Variants in PLEKHH2 observed in about 807,000 individuals in gnomAD.
The protein encoded by PLEKHH2 is pleckstrin homology, MyTH4 and FERM domain containing H2, also known as pleckstrin homology domain-containing family H member 2.
In PLEKHH2, 129 loss-of-function variants were observed where a neutral mutation model predicts 187.9. The ratio of observed to expected loss-of-function variants is 0.69; its 90% confidence interval spans 0.59 to 0.79. The LOEUF is 0.79. PLEKHH2 is among the 30% of genes least tolerant of loss of function. The pLI is 0.00. For missense variants in PLEKHH2, 2,076 were observed against 1,751.2 expected (o/e 1.19, Z -3.31); for synonymous variants, 686 against 605.6 (o/e 1.13, Z -1.95).
Position 43,700,022 on chromosome 2 carries a change from A to C in PLEKHH2, c.1064A>C (p.Gln355Pro). 6.2e-7 allele frequency: 1 copy of C among 1,614,204 alleles called. No individual in the cohort carries two copies. The highest frequency in any genetic ancestry group is 8.5e-7 in the Non-Finnish European group (1 of 1,180,030). The change falls in exon 8 of 30, where the codon CAG becomes CCG. Residue 355 changes from glutamine to proline, a missense_variant. Coordinates refer to ENST00000282406, the MANE Select transcript of PLEKHH2 (RefSeq NM_172069.4). ...RPEHKKLYSW[Q>P]QEAQWKALNS... ...GAACACAAGAAGCTATATTCTTGGCAGCAGGAGGCACAGTGGAAAGCTCTA... is the reference window on the plus strand; with the variant it reads ...GAACACAAGAAGCTATATTCTTGGCCGCAGGAGGCACAGTGGAAAGCTCTA...
chr2:43,667,813 G>C (rs988005834), intron 2 of PLEKHH2, among the ~76,000 whole-genome samples: 1 of 152,096 alleles, frequency 6.6e-6, no homozygotes, highest in African/African-American at 2.4e-5. Flanking sequence ...ACTGCTAATA[G>C]GTACAGGCTT....
intron 27 of PLEKHH2, among the ~76,000 whole-genome samples, chr2:43,762,060 G>A (rs1391114430): frequency 6.6e-6 from 1 of 152,154 alleles, no homozygotes; most frequent in African/African-American, 2.4e-5. Context: ...AACAGATTCA[G>A]TAGTTTATCC....
chr2:43,707,909 A>C (rs989949832), intron 11 of PLEKHH2, among the ~76,000 whole-genome samples: 2 of 152,286 alleles, frequency 1.3e-5, no homozygotes. Flanking sequence ...TATACCTTAA[A>C]ATTTGTCAAT....
Position 43,757,150 on chromosome 2 carries a change from C to G in PLEKHH2, c.3827C>G (p.Ser1276Ter). The G allele has an allele frequency of 1.3e-6, 2 of 1,589,422 alleles. No homozygotes were observed. The highest frequency in any genetic ancestry group is 1.7e-6 in the Non-Finnish European group (2 of 1,171,074). Residue 1276 changes from serine (S) to a stop codon, truncating the protein, a stop_gained, in exon 26 of 30, where the codon TCA becomes TGA. Coordinates refer to ENST00000282406, the MANE Select transcript of PLEKHH2 (RefSeq NM_172069.4). LOFTEE classifies it high-confidence loss of function. ...ATTGGAGATTTTGAAAGACCTTTCT[C>G]AACTCCAGCAGGGCATGTTACCAAT... Reference protein sequence around the residue: ...VEIGDFERPFSTPAGHVTNQC... With the variant: ...VEIGDFERPF
chr2:43,677,274 T>C (rs1384292758), intron 2 of PLEKHH2, among the ~76,000 whole-genome samples: 5 of 151,538 alleles, frequency 3.3e-5, no homozygotes, highest in Non-Finnish European at 5.9e-5. Flanking sequence ...CATAGGACAA[T>C]AGTGGAGGGA....
At chr2:43,763,076 T>A (rs941404192) in intron 28 of PLEKHH2, among the ~76,000 whole-genome samples, 5 of 152,212 alleles carry the variant, frequency 3.3e-5, no homozygotes, top group Middle Eastern at 3.2e-3. Flanking sequence ...TTTCCCCTTA[T>A]AATTGCTTAA....
intron 23 of PLEKHH2, 103 bp downstream of exon 23, chr2:43,744,092 C>A: frequency 8.9e-6 from 13 of 1,463,396 alleles, no homozygotes; most frequent in Admixed American, 2.4e-5. Context: ...AGGAGTTTTC[C>A]AAAACTTTAA....
chr2:43,691,679 C>CT (rs1431633266), intron 3 of PLEKHH2, among the ~76,000 whole-genome samples: 3 of 151,840 alleles, frequency 2.0e-5, no homozygotes, highest in Non-Finnish European at 2.9e-5. Flanking sequence ...AAGTACTGTT[C>CT]TTTTTTTAAA....
chr2:43,655,748 C>G (rs1387370153), intron 2 of PLEKHH2, among the ~76,000 whole-genome samples: 2 of 152,170 alleles, frequency 1.3e-5, no homozygotes, highest in Non-Finnish European at 2.9e-5. Flanking sequence ...ATTATTACAA[C>G]TGAATGAGAT....
At chr2:43,762,157 C>T in intron 27 of PLEKHH2, 147 bp from the exon 28 acceptor site, 1 of 610,484 alleles carries the variant, frequency 1.6e-6, no homozygotes, top group Non-Finnish European at 2.8e-6. Context: ...GTATACCACC[C>T]TGCCTCTTTC....
At chr2:43,734,316 A>T (rs1199036358) in intron 19 of PLEKHH2, among the ~76,000 whole-genome samples, 1 of 152,204 alleles carries the variant, frequency 6.6e-6, no homozygotes, top group Non-Finnish European at 1.5e-5. Context: ...TCATATGAGA[A>T]TGCAGCAAAG....
At chr2:43,717,508 G>T (rs58083728) in intron 15 of PLEKHH2, among the ~76,000 whole-genome samples, 191 of 152,286 alleles carry the variant, frequency 1.3e-3, no homozygotes, top group African/African-American at 4.4e-3. Context: ...TTGGGAGGAA[G>T]TTGTGATCAG....
At chr2:43,651,625 G>C (rs896558202) in intron 2 of PLEKHH2, among the ~76,000 whole-genome samples, 1 of 151,748 alleles carries the variant, frequency 6.6e-6, no homozygotes, top group African/African-American at 2.4e-5. Context: ...ACTATACACT[G>C]TGTGCGTCTG....
intron 24 of PLEKHH2, among the ~76,000 whole-genome samples, chr2:43,751,127 T>C (rs1671994378): frequency 6.6e-6 from 1 of 152,210 alleles, no homozygotes; most frequent in African/African-American, 2.4e-5. Flanking sequence ...GGATTAAATG[T>C]TGGCAATTGT....
Position 43,710,527 on chromosome 2 carries a change from T to G in PLEKHH2, c.2253T>G (p.Leu751=). 1 of 1,598,360 alleles carries G rather than the reference T, an allele frequency of 6.3e-7. No homozygotes were observed. Among genetic ancestry groups the G allele is most frequent in the Non-Finnish European group, 8.5e-7 (1 of 1,176,448 alleles). Reference sequence around the variant, plus strand: ...GAAAACCCCAGGGCCATATTGAACTTAGTGCATCCTGTAGTATTTTAAGAG... The same window carrying G: ...GAAAACCCCAGGGCCATATTGAACTGAGTGCATCCTGTAGTATTTTAAGAG... ...VIRKPQGHIE[L]SASCSILRGD... Residue 751 remains leucine (L), a synonymous_variant, in exon 14 of 30, where the codon CTT becomes CTG. Coordinates refer to ENST00000282406, the MANE Select transcript of PLEKHH2 (RefSeq NM_172069.4).
chr2:43,745,379 A>T (rs916048229), intron 23 of PLEKHH2, among the ~76,000 whole-genome samples: 1 of 152,298 alleles, frequency 6.6e-6, no homozygotes, highest in South Asian at 2.1e-4. Flanking sequence ...GAAATAATGC[A>T]CTTATTTTGC....
intron 3 of PLEKHH2, among the ~76,000 whole-genome samples, chr2:43,686,688 A>G (rs937485696): frequency 1.3e-5 from 2 of 152,220 alleles, no homozygotes; most frequent in Non-Finnish European, 2.9e-5. Flanking sequence ...ATGGAGTACT[A>G]TGCCAAAATA....
intron 15 of PLEKHH2, among the ~76,000 whole-genome samples, chr2:43,719,820 A>C (rs1670395412): frequency 1.3e-5 from 2 of 152,208 alleles, no homozygotes; most frequent in Non-Finnish European, 2.9e-5. Context: ...GGAAACTATG[A>C]AATATACTGG....
chr2:43,676,355 A>G (rs760277517), intron 2 of PLEKHH2: 372 of 1,531,922 alleles, frequency 2.4e-4, no homozygotes, highest in Non-Finnish European at 3.1e-4. Flanking sequence ...GCCAGGGTCA[A>G]AGGCAGCCTG....
Sources: gnomAD v4.1 joint callset for allele counts (sites outside exome capture counted in the v4.1 genomes callset) on GRCh38, gnomAD v4.1.1 for gene constraint, MANE v1.5 for transcripts, NCBI Gene and HGNC (gene_info 2026-07-23, HGNC 2026-07-21) for gene names.